Variants in SLC25A53 observed in about 807,000 individuals in gnomAD.
SLC25A53 encodes the protein solute carrier family 25 member 53.
SLC25A53 carries 5 observed loss-of-function variants against 15.0 expected under a neutral mutation model. The ratio of observed to expected loss-of-function variants is 0.33; its 90% CI spans 0.17 to 0.70. The LOEUF (loss-of-function observed/expected upper bound fraction) is 0.70. Among genes scored for constraint, SLC25A53 ranks in the 30% least tolerant of loss-of-function variants. The pLI is 0.67. For synonymous variants in SLC25A53, 95 were observed against 100.0 expected, an observed-to-expected ratio of 0.95 and a Z score of 0.30; for missense variants, 216 against 241.6, an observed-to-expected ratio of 0.89 and a Z score of 0.70.
intron 1 of SLC25A53, chrX:104,114,102 G>A: frequency 3.3e-6 from 4 of 1,211,503 alleles, no homozygotes; most frequent in Non-Finnish European, 4.5e-6. Flanking sequence ...ATACCCTATC[G>A]TCGTCAGTCA....
At chrX:104,143,954 T>G (rs1375210835) in intron 1 of SLC25A53, among the ~76,000 whole-genome samples, 1 of 111,716 alleles carries the variant, frequency 9.0e-6, no homozygotes, top group East Asian at 2.8e-4. Flanking sequence ...TTCAACATTC[T>G]TAAAGACAAA....
chrX:104,105,617 G>A (rs1429900914), intron 1 of SLC25A53, among the ~76,000 whole-genome samples: 6 of 112,352 alleles, frequency 5.3e-5, no homozygotes, highest in African/African-American at 9.7e-5. Context: ...CAACTTTCAC[G>A]ACATGAAACT....
At chrX:104,134,446 C>T (rs2147875957) in intron 1 of SLC25A53, among the ~76,000 whole-genome samples, 1 of 111,429 alleles carries the variant, frequency 9.0e-6, no homozygotes, top group East Asian at 2.8e-4. Flanking sequence ...CCCCTCACTC[C>T]CCACATCTAA....
chrX:104,105,853 G>A (rs782439979), intron 1 of SLC25A53, among the ~76,000 whole-genome samples: 1 of 111,989 alleles, frequency 8.9e-6, no homozygotes, highest in Admixed American at 9.4e-5. Flanking sequence ...CAGCAAGTGA[G>A]GAAAGGAAAG....
At chrX:104,132,376 G>A (rs112259900) in intron 1 of SLC25A53, among the ~76,000 whole-genome samples, 5,161 of 111,627 alleles carry the variant, frequency 0.046, 264 homozygotes, top group African/African-American at 0.16. Context: ...AGCTCCTTAT[G>A]CCCCTGAACA....
chrX:104,112,461 G>C lies in SLC25A53; in HGVS notation c.-31-7173C>G, dbSNP rs781883366. On this transcript the variant is annotated intron_variant, in intron 1 of 1. Coordinates refer to ENST00000594199, the MANE Select transcript of SLC25A53 (RefSeq NM_001012755.5). ...CTTGCTAGCAGTAGCTTCGGGGCCG[G>C]AGGCTGTGCGGCGAGGCCGCCCCCT... 5.3e-5 allele frequency: 6 copies of C among 113,976 alleles called. No homozygotes were observed. The East Asian group carries it at 1.4e-3, about 27-fold the overall frequency. 9.4% of individuals were successfully genotyped at this position (113,976 alleles called of 1,213,427 possible).
chrX:104,106,322 C>T (rs1301249194), intron 1 of SLC25A53, among the ~76,000 whole-genome samples: 3 of 111,356 alleles, frequency 2.7e-5, no homozygotes, highest in African/African-American at 9.8e-5. Context: ...AATGAATGCT[C>T]AGTGCAGATC....
rs187622108 is a variant in SLC25A53, at chrX:104,145,636, G to A, written c.-32+11242C>T. Among the ~76,000 whole-genome samples the A allele has an allele frequency of 5.3e-4, 59 of 111,839 alleles. No homozygotes were observed. The East Asian group carries it at 0.01, about 20-fold the overall frequency. On this transcript the variant is annotated intron_variant, in intron 1 of 1. Transcript: ENST00000594199. Reference sequence around the variant, plus strand: ...AAATGATAAAGGGGATATCACCACCGATCCCACAGAACTACAAACTACCAT... The same window carrying A: ...AAATGATAAAGGGGATATCACCACCAATCCCACAGAACTACAAACTACCAT...
rs782510219 is a variant in SLC25A53, at chrX:104,142,794, G to A, written c.-32+14084C>T. On this transcript the variant is annotated intron_variant, in intron 1 of 1. Coordinates refer to ENST00000594199, the MANE Select transcript of SLC25A53 (RefSeq NM_001012755.5). ...AAATTAACTGGGCATGGTGGCAGGC[G>A]CCTGTAGTCCCAGCTACTCGGGAGG... Among the ~76,000 whole-genome samples, 116 of 108,404 alleles carry A rather than the reference G, an allele frequency of 1.1e-3. 1 individual carries two copies. Among genetic ancestry groups the A allele is most frequent in the African/African-American group, 3.5e-3 (105 of 29,664 alleles). 94.1% of individuals were successfully genotyped at this position (108,404 alleles called of 115,157 possible). A position where few individuals can be genotyped will look rare whatever the true frequency, so the allele number is the denominator to read the frequency against.
intron 1 of SLC25A53, among the ~76,000 whole-genome samples, chrX:104,141,411 C>A (rs1476291898): frequency 8.9e-6 from 1 of 111,877 alleles, no homozygotes. Flanking sequence ...ATGTAAAACT[C>A]CTAGAAAACA....
intron 1 of SLC25A53, among the ~76,000 whole-genome samples, chrX:104,140,494 A>C (rs1556367349): frequency 9.0e-6 from 1 of 110,837 alleles, no homozygotes; most frequent in Non-Finnish European, 1.9e-5. Context: ...TCTTCAACTA[A>C]TCACCTCTTG....
chrX:104,111,919 C>A (rs1556358972), intron 1 of SLC25A53, among the ~76,000 whole-genome samples: 1 of 112,025 alleles, frequency 8.9e-6, no homozygotes, highest in Admixed American at 9.4e-5. Flanking sequence ...TTTGGTTTTT[C>A]TCCACTATCC....
intron 1 of SLC25A53, among the ~76,000 whole-genome samples, chrX:104,132,390 C>T (rs1405759485): frequency 2.7e-5 from 3 of 111,692 alleles, no homozygotes; most frequent in African/African-American, 9.8e-5. Context: ...CTGAACATGC[C>T]GTCCTGAAAC....
At position 104,128,619 on chromosome X, in the gene SLC25A53, T is replaced by A. The variant is rs148986916; in HGVS notation, c.-31-23331A>T. On this transcript the variant is annotated intron_variant, in intron 1 of 1. Transcript: ENST00000594199. ...TTTCCCAGTCACCTGAAAGGGTCTG[T>A]CTCAGGTGTCTCCAGGACTCCTCAC... Among the ~76,000 whole-genome samples the A allele has an allele frequency of 3.5e-3, 390 of 111,481 alleles. 1 individual carries two copies. Among genetic ancestry groups the A allele is most frequent in the African/African-American group, 0.012 (376 of 30,677 alleles).
In SLC25A53 at chrX:104,105,301, G is replaced by C; in HGVS notation, c.-31-13C>G. 1 of 1,060,786 alleles carries C rather than the reference G, an allele frequency of 9.4e-7. No individual in the cohort carries two copies. 87.4% of individuals were successfully genotyped at this position (1,060,786 alleles called of 1,213,427 possible). ...CAGATGGAAGAAACTGGCAAGGGTG[G>C]AAAAAAAGAGATTAGACTGACCAAT... On this transcript the variant is annotated splice_polypyrimidine_tract_variant and intron_variant, in intron 1 of 1. Transcript: ENST00000594199.
chrX:104,119,765 T>C (rs1394938514), intron 1 of SLC25A53, among the ~76,000 whole-genome samples: 4 of 111,533 alleles, frequency 3.6e-5, no homozygotes, highest in Non-Finnish European at 7.5e-5. Context: ...CAAATCACCA[T>C]AAAGATCAAG....
intron 1 of SLC25A53, among the ~76,000 whole-genome samples, chrX:104,132,052 A>C (rs2075426804): frequency 8.9e-6 from 1 of 112,371 alleles, no homozygotes; most frequent in African/African-American, 3.2e-5. Context: ...CTTGCTAAAA[A>C]GCTTGTCAAT....
chrX:104,144,628 G>T (rs547775258), intron 1 of SLC25A53, among the ~76,000 whole-genome samples: 1 of 111,660 alleles, frequency 9.0e-6, no homozygotes, highest in East Asian at 2.8e-4. Context: ...TATTGTAGTT[G>T]CCTATGCTGA....
chrX:104,129,793 TATAA>T lies in SLC25A53; in HGVS notation c.-31-24509_-31-24506del, dbSNP rs1474806501. Reference sequence around the variant, plus strand: ...TATATATATAAGAATCAACTATATATATAAATATATATGTAGTTTTATTTATATA... The same window carrying T: ...TATATATATAAGAATCAACTATATATATATATATGTAGTTTTATTTATATA... On this transcript the variant is annotated intron_variant, in intron 1 of 1. Coordinates refer to ENST00000594199, the MANE Select transcript of SLC25A53 (RefSeq NM_001012755.5). Among the ~76,000 whole-genome samples, 10 of 107,142 alleles carry T rather than the reference TATAA, an allele frequency of 9.3e-5. 1 individual carries two copies. In the South Asian group the frequency reaches 1.2e-3, roughly 13 times the overall value. 93.0% of individuals were successfully genotyped at this position (107,142 alleles called of 115,157 possible).
Sources: allele counts gnomAD v4.1 joint callset (sites outside exome capture counted in the v4.1 genomes callset), GRCh38; gene constraint gnomAD v4.1.1; transcripts MANE v1.5; gene names NCBI Gene and HGNC (gene_info 2026-07-23, HGNC 2026-07-21).